KCNH1: variants seen among roughly 807,000 people sequenced by gnomAD.
KCNH1 encodes voltage-gated delayed rectifier potassium channel KCNH1.
Under a neutral mutation model 69.2 loss-of-function variants are expected in KCNH1, and 27 were observed. The ratio of observed to expected loss-of-function variants is 0.39; its 90% CI spans 0.29 to 0.54. The LOEUF is 0.54. KCNH1 is among the 20% of genes least tolerant of loss of function. The pLI is 0.68. For missense variants in KCNH1, 798 were observed against 1,261.6 expected (o/e 0.63, Z 5.57); for synonymous variants, 456 against 487.7 (o/e 0.93, Z 0.86).
chr1:211,059,195 A>T (rs981040708), intron 5 of KCNH1, among the ~76,000 whole-genome samples: 1 of 151,208 alleles, frequency 6.6e-6, no homozygotes, highest in Non-Finnish European at 1.5e-5. Flanking sequence ...CAGGAGAATC[A>T]TTTGAACCTG....
intron 7 of KCNH1, among the ~76,000 whole-genome samples, chr1:210,900,665 A>G (rs544380130): frequency 1.3e-5 from 2 of 152,324 alleles, no homozygotes; most frequent in East Asian, 1.9e-4. Flanking sequence ...GGCCAAGGTC[A>G]CGATGGAACA....
chr1:211,056,749 C>T lies in KCNH1; in HGVS notation c.558+26031G>A, dbSNP rs73073490. Among the ~76,000 whole-genome samples, 762 of 152,302 alleles carry T rather than the reference C, an allele frequency of 5.0e-3. 12 individuals carry two copies. The highest frequency in any genetic ancestry group is 0.016 in the African/African-American group (668 of 41,566). On this transcript the variant is annotated intron_variant, in intron 5 of 10. Transcript: ENST00000271751. ...TAAGGGAAGAGAATAAGTATCTCTTCCTAGTAATTCAGAGAATTCTTCTGA... is the reference window on the plus strand; with the variant it reads ...TAAGGGAAGAGAATAAGTATCTCTTTCTAGTAATTCAGAGAATTCTTCTGA...
intron 7 of KCNH1, among the ~76,000 whole-genome samples, chr1:210,870,360 G>A (rs1229436602): frequency 6.6e-6 from 1 of 152,048 alleles, no homozygotes; most frequent in African/African-American, 2.4e-5. Flanking sequence ...CAATATCCAA[G>A]GCTTGATTTA....
At chr1:210,969,767 C>T (rs1688477960) in intron 6 of KCNH1, among the ~76,000 whole-genome samples, 1 of 152,082 alleles carries the variant, frequency 6.6e-6, no homozygotes, top group South Asian at 2.1e-4. Context: ...TCATCTTTAG[C>T]TTCCTCCTAC....
At chr1:211,016,661 C>G (rs1417691672) in intron 6 of KCNH1, among the ~76,000 whole-genome samples, 1 of 152,010 alleles carries the variant, frequency 6.6e-6, no homozygotes, top group African/African-American at 2.4e-5. Context: ...GTAATCCCAG[C>G]TCTTTAGGAG....
chr1:210,861,797 C>G (rs1005927174), intron 7 of KCNH1: 1 of 766,954 alleles, frequency 1.3e-6, no homozygotes. Context: ...CTCCACTCCT[C>G]TAGTTTTTTA....
chr1:210,857,017 C>T (rs576344159), intron 7 of KCNH1, among the ~76,000 whole-genome samples: 11 of 150,570 alleles, frequency 7.3e-5, no homozygotes, highest in East Asian at 2.0e-4. Context: ...TCAGTTGTGA[C>T]GCTCTAGCTT....
intron 5 of KCNH1, among the ~76,000 whole-genome samples, chr1:211,071,326 A>C (rs941141693): frequency 6.6e-6 from 1 of 152,152 alleles, no homozygotes; most frequent in African/African-American, 2.4e-5. Context: ...ATTCTACTAA[A>C]CACGATAAAA....
intron 10 of KCNH1, among the ~76,000 whole-genome samples, chr1:210,747,681 T>C (rs1558452767): frequency 6.6e-6 from 1 of 152,044 alleles, no homozygotes; most frequent in Non-Finnish European, 1.5e-5. Flanking sequence ...AACAAAGTAT[T>C]TCACCTTTTT....
intron 3 of KCNH1, among the ~76,000 whole-genome samples, chr1:211,100,160 C>T (rs1691232736): frequency 6.6e-6 from 1 of 152,096 alleles, no homozygotes; most frequent in Non-Finnish European, 1.5e-5. Context: ...TACCTCTGGG[C>T]TTAGAGCCCT....
intron 9 of KCNH1, among the ~76,000 whole-genome samples, chr1:210,794,809 G>A (rs1229727431): frequency 1.3e-5 from 2 of 152,194 alleles, no homozygotes; most frequent in African/African-American, 4.8e-5. Flanking sequence ...TTGTTCACTA[G>A]TTAATAGGTG....
intron 4 of KCNH1, 72 bp from the exon 5 acceptor site, chr1:211,082,970 G>A (rs1031938902): frequency 5.5e-5 from 70 of 1,264,082 alleles, no homozygotes; most frequent in Non-Finnish European, 6.8e-5. Context: ...CACATTACAA[G>A]TTATACTGTC....
At position 210,775,747 on chromosome 1, in the gene KCNH1, C is replaced by T. The variant is rs561086882; in HGVS notation, c.1916-203G>A. 8.5e-5 allele frequency among the ~76,000 whole-genome samples: 13 copies of T among 152,320 alleles called. No homozygotes were observed. The South Asian group carries it at 2.5e-3, about 29-fold the overall frequency. Reference sequence around the variant, plus strand: ...AGAAATGTTAAAGTAGCAGTTAACACATGCCAAAGTTTAATCACTTTGAGA... The same window carrying T: ...AGAAATGTTAAAGTAGCAGTTAACATATGCCAAAGTTTAATCACTTTGAGA... On this transcript the variant is annotated intron_variant, in intron 9 of 10. Transcript: ENST00000271751.
chr1:210,908,563 T>G (rs893411007), intron 7 of KCNH1, among the ~76,000 whole-genome samples: 1 of 152,144 alleles, frequency 6.6e-6, no homozygotes, highest in Non-Finnish European at 1.5e-5. Context: ...CACTTTGTGT[T>G]TTCACTGCAG....
chr1:210,889,994 A>G (rs1686710039), intron 7 of KCNH1, among the ~76,000 whole-genome samples: 1 of 152,202 alleles, frequency 6.6e-6, no homozygotes, highest in South Asian at 2.1e-4. Context: ...ATTCAATGCT[A>G]TCCCCATCAA....
chr1:210,746,533 G>A (rs1395395011), intron 10 of KCNH1, among the ~76,000 whole-genome samples: 5 of 151,692 alleles, frequency 3.3e-5, no homozygotes, highest in African/African-American at 1.2e-4. Flanking sequence ...GCAATACACA[G>A]ACTATGATGT....
At chr1:210,790,214 C>A (rs1289628279) in intron 9 of KCNH1, among the ~76,000 whole-genome samples, 1 of 152,198 alleles carries the variant, frequency 6.6e-6, no homozygotes, top group Non-Finnish European at 1.5e-5. Flanking sequence ...CTGTCTTGAG[C>A]CCTGGTTTCT....
chr1:211,071,801 C>T (rs1351839328), intron 5 of KCNH1, among the ~76,000 whole-genome samples: 1 of 152,096 alleles, frequency 6.6e-6, no homozygotes, highest in Non-Finnish European at 1.5e-5. Context: ...TATTGAAAAA[C>T]AATCCACATA....
intron 10 of KCNH1, among the ~76,000 whole-genome samples, chr1:210,771,407 A>C (rs1367363868): frequency 2.6e-5 from 4 of 152,210 alleles, no homozygotes; most frequent in African/African-American, 9.6e-5. Flanking sequence ...TCAGGAGCTG[A>C]AGAGGCAGCA....
Sources: gnomAD v4.1 joint callset for allele counts (sites outside exome capture counted in the v4.1 genomes callset) on GRCh38, gnomAD v4.1.1 for gene constraint, MANE v1.5 for transcripts, NCBI Gene and HGNC (gene_info 2026-07-23, HGNC 2026-07-21) for gene names.